Variants in NAALADL2 observed in about 807,000 individuals in gnomAD.
The protein encoded by NAALADL2 is N-acetylated alpha-linked acidic dipeptidase like 2, also known as inactive N-acetylated-alpha-linked acidic dipeptidase-like protein 2.
In NAALADL2, 76 loss-of-function variants were observed where a neutral mutation model predicts 87.2. The ratio of observed to expected loss-of-function variants is 0.87; its 90% confidence interval spans 0.72 to 1.05. The LOEUF (loss-of-function observed/expected upper bound fraction) is 1.05. NAALADL2 is among the 50% of genes least tolerant of loss of function. The pLI is 0.00. For missense variants in NAALADL2, 1,089 were observed against 945.8 expected (o/e 1.15, Z -1.99); for synonymous variants, 354 against 331.0 (o/e 1.07, Z -0.75).
At chr3:175,322,006 C>G (rs1440403991) in intron 4 of NAALADL2, among the ~76,000 whole-genome samples, 3 of 152,024 alleles carry the variant, frequency 2.0e-5, no homozygotes, top group East Asian at 1.9e-4. Flanking sequence ...TCTTATGGAA[C>G]CAAAAAAGAG....
At chr3:175,794,620 G>A (rs6805025) in intron 13 of NAALADL2, among the ~76,000 whole-genome samples, 60,722 of 152,044 alleles carry the variant, frequency 0.4, 15,577 homozygotes, top group African/African-American at 0.73. Context: ...TTGAAAAACA[G>A]TGTAGTTATA....
intron 3 of NAALADL2, among the ~76,000 whole-genome samples, chr3:174,781,731 A>C (rs77669382): frequency 1.3e-5 from 2 of 151,980 alleles, no homozygotes; most frequent in Non-Finnish European, 2.9e-5. Context: ...CAAATGTTTC[A>C]TGTGTTCAGG....
intron 1 of NAALADL2, among the ~76,000 whole-genome samples, chr3:174,932,846 G>A (rs560917579): frequency 2.6e-4 from 39 of 152,236 alleles, no homozygotes; most frequent in African/African-American, 8.9e-4. Context: ...GTCTGGGCAC[G>A]GTGGCTCACA....
chr3:174,882,917 G>GTA (rs1229995007), intron 1 of NAALADL2, among the ~76,000 whole-genome samples: 3 of 150,328 alleles, frequency 2.0e-5, no homozygotes, highest in Admixed American at 6.7e-5. Flanking sequence ...ATATATGTTT[G>GTA]TATATATATG....
intron 1 of NAALADL2, among the ~76,000 whole-genome samples, chr3:174,901,815 G>C (rs1732343919): frequency 6.6e-6 from 1 of 152,118 alleles, no homozygotes; most frequent in Admixed American, 6.6e-5. Context: ...TTGAATGCAG[G>C]CAAGTCTAAG....
intron 1 of NAALADL2, among the ~76,000 whole-genome samples, chr3:174,465,190 G>T (rs186238515): frequency 1.3e-5 from 2 of 152,002 alleles, no homozygotes; most frequent in African/African-American, 2.4e-5. Flanking sequence ...CTCTGTGTGT[G>T]TGTTCATTTG....
intron 13 of NAALADL2, among the ~76,000 whole-genome samples, chr3:175,765,726 A>G (rs1220547704): frequency 1.3e-5 from 2 of 152,132 alleles, no homozygotes; most frequent in Non-Finnish European, 2.9e-5. Context: ...TTGATGATGC[A>G]TTGAATAATT....
At chr3:175,429,576 T>C (rs906175728) in intron 5 of NAALADL2, among the ~76,000 whole-genome samples, 21 of 152,044 alleles carry the variant, frequency 1.4e-4, no homozygotes, top group Non-Finnish European at 2.5e-4. Context: ...TATATAAAAA[T>C]TTAAAATTTG....
At chr3:175,316,526 C>T (rs928860500) in intron 4 of NAALADL2, among the ~76,000 whole-genome samples, 2 of 152,050 alleles carry the variant, frequency 1.3e-5, no homozygotes, top group Admixed American at 1.3e-4. Flanking sequence ...TAAGACTTGA[C>T]CCCGTTTTTC....
intron 7 of NAALADL2, among the ~76,000 whole-genome samples, chr3:175,465,885 A>G (rs909483596): frequency 8.5e-5 from 13 of 152,238 alleles, no homozygotes; most frequent in African/African-American, 3.1e-4. Flanking sequence ...GTTATAAGTC[A>G]AAGGGTGATT....
chr3:175,340,823 C>G (rs1024437048), intron 5 of NAALADL2, among the ~76,000 whole-genome samples: 1 of 151,946 alleles, frequency 6.6e-6, no homozygotes, highest in Non-Finnish European at 1.5e-5. Flanking sequence ...CACAAGGAGA[C>G]AAAACAAAGA....
intron 1 of NAALADL2, among the ~76,000 whole-genome samples, chr3:175,090,265 A>T (rs114216700): frequency 0.016 from 2,439 of 152,078 alleles, 62 homozygotes; most frequent in African/African-American, 0.054. Flanking sequence ...ATCCTAAATA[A>T]TACCAAGTGT....
At chr3:174,917,733 A>AT (rs11331779) in intron 1 of NAALADL2, among the ~76,000 whole-genome samples, 3,837 of 147,790 alleles carry the variant, frequency 0.026, 58 homozygotes, top group Non-Finnish European at 0.039. Context: ...TCTATTTGTT[A>AT]TTTTTTTTTT....
chr3:174,823,188 C>T (rs2072983522), intron 3 of NAALADL2, among the ~76,000 whole-genome samples: 2 of 151,630 alleles, frequency 1.3e-5, no homozygotes, highest in Admixed American at 1.3e-4. Flanking sequence ...TTGGAGTTTT[C>T]CTTTTTGTTG....
At chr3:174,656,390 C>T (rs1724930018) in intron 2 of NAALADL2, among the ~76,000 whole-genome samples, 1 of 152,122 alleles carries the variant, frequency 6.6e-6, no homozygotes, top group South Asian at 2.1e-4. Flanking sequence ...TGTTGTTGAA[C>T]TTCTTTCGAA....
chr3:175,064,886 G>T (rs74363404), intron 1 of NAALADL2, among the ~76,000 whole-genome samples: 16,976 of 152,070 alleles, frequency 0.11, 1,080 homozygotes, highest in East Asian at 0.21. Context: ...AACTAAACTG[G>T]CTTGGCTTTA....
chr3:174,869,554 G>A (rs1364712407), intron 1 of NAALADL2, among the ~76,000 whole-genome samples: 4 of 152,150 alleles, frequency 2.6e-5, no homozygotes, highest in Non-Finnish European at 5.9e-5. Flanking sequence ...CAGAGAGTCG[G>A]TAATGGAGCT....
chr3:175,581,857 G>A (rs1430837984), intron 10 of NAALADL2, among the ~76,000 whole-genome samples: 1 of 152,154 alleles, frequency 6.6e-6, no homozygotes, highest in Non-Finnish European at 1.5e-5. Context: ...TTTTTGTAAT[G>A]TCTGACAAGG....
chr3:174,705,227 GA>G (rs570108896), intron 2 of NAALADL2, among the ~76,000 whole-genome samples: 2 of 152,084 alleles, frequency 1.3e-5, no homozygotes, highest in Non-Finnish European at 2.9e-5. Context: ...ACATCTTTGG[GA>G]TTTGGGAAGA....
Sources: allele counts gnomAD v4.1 joint callset (sites outside exome capture counted in the v4.1 genomes callset), GRCh38; gene constraint gnomAD v4.1.1; transcripts MANE v1.5; gene names NCBI Gene and HGNC (gene_info 2026-07-23, HGNC 2026-07-21).